NSF: variants seen among roughly 807,000 people sequenced by gnomAD.
The protein encoded by NSF is vesicle-fusing ATPase.
NSF carries 14 observed loss-of-function variants against 50.3 expected under a neutral mutation model. The observed-to-expected ratio is 0.28, with a 90% CI of 0.18 to 0.44. The LOEUF (loss-of-function observed/expected upper bound fraction) is 0.44. NSF is among the 20% of genes least tolerant of loss of function. The pLI, the probability that NSF is intolerant of heterozygous loss-of-function variation, is 1.00. For missense variants in NSF, 218 were observed against 504.3 expected (o/e 0.43, Z 5.44); for synonymous variants, 109 against 175.7 (o/e 0.62, Z 3.00).
intron 17 of NSF, among the ~76,000 whole-genome samples, chr17:46,739,803 A>G (rs2059051372): frequency 6.6e-6 from 1 of 151,644 alleles, no homozygotes; most frequent in Admixed American, 6.6e-5. Context: ...GGTTCAAGCA[A>G]TTCTCATGCC....
chr17:46,718,739 A>T (rs1420583363), intron 15 of NSF, among the ~76,000 whole-genome samples: 1 of 152,232 alleles, frequency 6.6e-6, no homozygotes, highest in African/African-American at 2.4e-5. Flanking sequence ...AAATGAAGAT[A>T]ATATTAATAG....
Position 46,743,908 on chromosome 17 carries a change from C to A in NSF, c.1909-5865C>A, listed in dbSNP as rs571677044. Among the ~76,000 whole-genome samples, 7 of 152,316 alleles carry A rather than the reference C, an allele frequency of 4.6e-5. No individual in the cohort carries two copies. In the South Asian group the frequency reaches 8.3e-4, roughly 18 times the overall value. ...ATTGTTCCCTCCCTGTGTCTGCAGA[C>A]AACTTCGTTTTCAGCCTTGGTGCTC... On this transcript the variant is annotated intron_variant, in intron 17 of 20. Coordinates refer to ENST00000398238, the MANE Select transcript of NSF (RefSeq NM_006178.4).
intron 15 of NSF, chr17:46,722,156 C>T (rs2058837564): frequency 1.9e-6 from 3 of 1,611,770 alleles, no homozygotes; most frequent in South Asian, 1.1e-5. Flanking sequence ...TCTTGGCGCT[C>T]GAACTGAACA....
chr17:46,711,109 G>C lies in NSF; in HGVS notation c.1617G>C (p.Val539=). The C allele has an allele frequency of 6.6e-7, 1 of 1,506,976 alleles. No homozygotes were observed. The highest frequency in any genetic ancestry group is 1.7e-4 in the Middle Eastern group (1 of 5,742). 93.4% of individuals were successfully genotyped at this position (1,506,976 alleles called of 1,614,324 possible). A position where few individuals can be genotyped will look rare whatever the true frequency, so the allele number is the denominator to read the frequency against. Residue 539 remains valine, a synonymous_variant, in exon 14 of 21, where the codon GTG becomes GTC. Coordinates refer to ENST00000398238, the MANE Select transcript of NSF (RefSeq NM_006178.4). The part of the protein sequence containing the change: ...KNSDRTPLVS[V]LLEGPPHSGK... ...GTGACCGCACACCATTGGTCAGCGTGCTTCTGGAAGGTGAGAATGAATGAG... is the reference window on the plus strand; with the variant it reads ...GTGACCGCACACCATTGGTCAGCGTCCTTCTGGAAGGTGAGAATGAATGAG...
At chr17:46,601,897 A>C (rs1382999684) in intron 1 of NSF, among the ~76,000 whole-genome samples, 1 of 148,398 alleles carries the variant, frequency 6.7e-6, no homozygotes, top group African/African-American at 2.6e-5. Flanking sequence ...AAAAAAAGAC[A>C]CTTTGGCCTG....
intron 9 of NSF, among the ~76,000 whole-genome samples, chr17:46,691,231 T>G (rs147382204): frequency 0.14 from 1,334 of 9,470 alleles, 170 homozygotes; most frequent in East Asian, 0.23. Flanking sequence ...ACACTTTATT[T>G]GTTTTACAAC....
At chr17:46,741,430 C>T (rs1423727439) in intron 17 of NSF, among the ~76,000 whole-genome samples, 1 of 152,098 alleles carries the variant, frequency 6.6e-6, no homozygotes, top group Non-Finnish European at 1.5e-5. Flanking sequence ...TGTCTTCTGT[C>T]CTGCTTGCAG....
chr17:46,731,939 G>C (rs1324376892), intron 17 of NSF, among the ~76,000 whole-genome samples: 16 of 152,088 alleles, frequency 1.1e-4, no homozygotes. Context: ...ATTCTCTCAA[G>C]AAAATAAGGG....
chr17:46,719,247 T>G lies in NSF; in HGVS notation c.1761+5261T>G, dbSNP rs2058804653. On this transcript the variant is annotated intron_variant, in intron 15 of 20. Transcript: ENST00000398238. The surrounding 1 kb of genome is among the most constrained non-coding windows in gnomAD (Gnocchi z 4.3). ...TGAAAAATATGTAACACATTAATTTTTGTTAAAGATGTGTGGTCTGAATTA... is the reference window on the plus strand; with the variant it reads ...TGAAAAATATGTAACACATTAATTTGTGTTAAAGATGTGTGGTCTGAATTA... Among the ~76,000 whole-genome samples the G allele has an allele frequency of 6.6e-6, 1 of 152,252 alleles. No homozygotes were observed. Among genetic ancestry groups the G allele is most frequent in the South Asian group, 2.1e-4 (1 of 4,826 alleles).
chr17:46,678,970 A>G (rs1270570471), intron 9 of NSF, among the ~76,000 whole-genome samples: 4 of 151,062 alleles, frequency 2.6e-5, no homozygotes, highest in Non-Finnish European at 5.9e-5. Context: ...AATAGCCTAC[A>G]GCTATATACA....
chr17:46,622,612 C>T (rs1335328996), intron 1 of NSF, among the ~76,000 whole-genome samples: 3 of 144,734 alleles, frequency 2.1e-5, no homozygotes, highest in Admixed American at 6.9e-5. Flanking sequence ...ATGAAACCCC[C>T]GACTCTACCA....
rs2058641453 is a variant in NSF, at chr17:46,704,676, A to G, written c.1375-83A>G. On this transcript the variant is annotated intron_variant, in intron 12 of 20. Transcript: ENST00000398238. ...GTGAAAATATGCTTTTAAATCCTCA[A>G]GAGTTACGTTCTTAAACTGAATATA... The G allele has an allele frequency of 1.3e-5, 20 of 1,515,176 alleles. No homozygotes were observed. In the South Asian group the frequency reaches 2.4e-4, roughly 18 times the overall value. 93.9% of individuals were successfully genotyped at this position (1,515,176 alleles called of 1,614,324 possible).
intron 9 of NSF, among the ~76,000 whole-genome samples, chr17:46,681,364 C>T (rs955444639): frequency 3.2e-5 from 4 of 125,818 alleles, no homozygotes; most frequent in African/African-American, 1.2e-4. Flanking sequence ...GTGGCACATT[C>T]CTGTGGTCCC....
At chr17:46,737,568 TGTGC>T (rs751390827) in intron 17 of NSF, among the ~76,000 whole-genome samples, 2,232 of 100,414 alleles carry the variant, frequency 0.022, 46 homozygotes, top group African/African-American at 0.064. Context: ...CTAGGGTGTG[TGTGC>T]GTGTGTGTGT....
intron 9 of NSF, among the ~76,000 whole-genome samples, chr17:46,678,804 C>T (rs922321297): frequency 6.1e-5 from 8 of 130,442 alleles, no homozygotes; most frequent in African/African-American, 2.1e-4. Flanking sequence ...TAGCTAGTAG[C>T]TGTCTTCTCA....
intron 9 of NSF, among the ~76,000 whole-genome samples, chr17:46,685,508 T>C (rs155753): frequency 6.5e-4 from 98 of 151,054 alleles, no homozygotes; most frequent in African/African-American, 9.8e-4. Flanking sequence ...TAGTTAAATA[T>C]AGAACAGCCG....
intron 15 of NSF, among the ~76,000 whole-genome samples, chr17:46,724,425 A>G (rs1487561084): frequency 3.9e-5 from 6 of 152,198 alleles, no homozygotes; most frequent in African/African-American, 7.2e-5. Flanking sequence ...CCCGCCTTAC[A>G]TCTGATTCCA....
rs1568048507 is a variant in NSF, at chr17:46,726,533, CT to C, written c.1762-13del. The C allele has an allele frequency of 6.2e-7, 1 of 1,612,920 alleles. No homozygotes were observed. The highest frequency in any genetic ancestry group is 1.7e-5 in the Admixed American group (1 of 60,018). ...TGGAGGACAGTGAGATAATAAATGA[CT>C]TTGTTTTCTTTCAGATCTTTGATGA... On this transcript the variant is annotated splice_polypyrimidine_tract_variant and intron_variant, in intron 15 of 20. Coordinates refer to ENST00000398238, the MANE Select transcript of NSF (RefSeq NM_006178.4).
At chr17:46,754,345 G>A (rs1329718763) in intron 19 of NSF, among the ~76,000 whole-genome samples, 1 of 151,170 alleles carries the variant, frequency 6.6e-6, no homozygotes, top group Non-Finnish European at 1.5e-5. Flanking sequence ...AAAAAAGAAA[G>A]AAAAGAAAAA....
Sources: allele counts gnomAD v4.1 joint callset (sites outside exome capture counted in the v4.1 genomes callset), GRCh38; gene constraint gnomAD v4.1.1; non-coding constraint Gnocchi (gnomAD v3.1); transcripts MANE v1.5; gene names NCBI Gene and HGNC (gene_info 2026-07-23, HGNC 2026-07-21).